The following COL11A1 variants were observed in gnomAD, a reference collection of about 807,000 sequenced individuals.
COL11A1 encodes the protein collagen type XI alpha 1 chain.
Under a neutral mutation model 265.2 loss-of-function variants are expected in COL11A1, and 74 were observed. That is an observed-to-expected ratio of 0.28 (90% CI 0.23 to 0.34). COL11A1 has a LOEUF of 0.34. Among genes scored for constraint, COL11A1 ranks in the 10% least tolerant of loss-of-function variants. COL11A1 has a pLI of 1.00. For missense variants in COL11A1, 2,165 were observed against 2,263.6 expected (o/e 0.96, Z 0.88); for synonymous variants, 816 against 727.6 (o/e 1.12, Z -1.96).
intron 58 of COL11A1, 46 bp downstream of exon 58, chr1:102,890,405 T>A: frequency 1.4e-6 from 2 of 1,454,030 alleles, no homozygotes; most frequent in Non-Finnish European, 1.9e-6. Context: ...GCTATTAGTA[T>A]ATAAAAGCAT....
intron 41 of COL11A1, among the ~76,000 whole-genome samples, chr1:102,953,166 C>A (rs967581158): frequency 4.6e-5 from 7 of 152,256 alleles, no homozygotes; most frequent in Middle Eastern, 3.4e-3. Flanking sequence ...GATAAATAAA[C>A]TATTATATCT....
intron 37 of COL11A1, among the ~76,000 whole-genome samples, chr1:102,967,238 T>TTTTA (rs1396645166): frequency 7.0e-5 from 7 of 99,530 alleles, no homozygotes; most frequent in South Asian, 9.3e-4. Context: ...TTTTTTTTTT[T>TTTTA]TTTTTTTTTT....
At chr1:102,928,804 G>A (rs9434371) in intron 46 of COL11A1, among the ~76,000 whole-genome samples, 7,104 of 142,394 alleles carry the variant, frequency 0.05, 311 homozygotes, top group African/African-American at 0.11. Context: ...GTGTGAGATG[G>A]TATCTCATTG....
chr1:103,067,570 G>C (rs2102239285), intron 4 of COL11A1, among the ~76,000 whole-genome samples: 1 of 151,742 alleles, frequency 6.6e-6, no homozygotes, highest in Non-Finnish European at 1.5e-5. Flanking sequence ...TGAGAGGCTA[G>C]AGAAACAATT....
rs777798467 is a variant in COL11A1, at chr1:102,920,387, T to C, written c.3709-23A>G. 1.9e-6 allele frequency: 3 copies of C among 1,600,184 alleles called. No individual in the cohort carries two copies. In the South Asian group the frequency reaches 3.3e-5, roughly 18 times the overall value. On this transcript the variant is annotated intron_variant, in intron 48 of 66. Coordinates refer to ENST00000370096, the MANE Select transcript of COL11A1 (RefSeq NM_001854.4). Reference sequence around the variant, plus strand: ...TCCCTGCAGTGTAGAAAAAGGAATGTAATTATCCATATTCTTATTAAAATA... The same window carrying C: ...TCCCTGCAGTGTAGAAAAAGGAATGCAATTATCCATATTCTTATTAAAATA...
At chr1:103,053,300 A>G (rs1359073739) in intron 4 of COL11A1, among the ~76,000 whole-genome samples, 2 of 152,184 alleles carry the variant, frequency 1.3e-5, no homozygotes, top group Non-Finnish European at 2.9e-5. Flanking sequence ...TACTAAATAT[A>G]AAATTATAAC....
At chr1:102,945,753 T>C (rs1013907193) in intron 42 of COL11A1, among the ~76,000 whole-genome samples, 2 of 151,898 alleles carry the variant, frequency 1.3e-5, no homozygotes, top group Non-Finnish European at 2.9e-5. Flanking sequence ...GGAAAAAAAA[T>C]AGAGAAGAAA....
At chr1:102,999,179 G>C (rs1398524602) in intron 24 of COL11A1, among the ~76,000 whole-genome samples, 1 of 151,918 alleles carries the variant, frequency 6.6e-6, no homozygotes, top group Non-Finnish European at 1.5e-5. Flanking sequence ...CCTAAATGCT[G>C]GACATATTTT....
chr1:103,058,572 C>A (rs1434680915), intron 4 of COL11A1, among the ~76,000 whole-genome samples: 1 of 152,144 alleles, frequency 6.6e-6, no homozygotes, highest in African/African-American at 2.4e-5. Flanking sequence ...TCTCAAGTGA[C>A]TCTTGAACAC....
At chr1:102,986,846 T>C (rs967105966) in intron 30 of COL11A1, among the ~76,000 whole-genome samples, 2 of 152,150 alleles carry the variant, frequency 1.3e-5, no homozygotes, top group African/African-American at 4.8e-5. Context: ...ACAATGAATA[T>C]GATAATTATC....
At chr1:103,051,338 G>A (rs1314725246) in intron 4 of COL11A1, among the ~76,000 whole-genome samples, 3 of 152,174 alleles carry the variant, frequency 2.0e-5, no homozygotes, top group Non-Finnish European at 4.4e-5. Context: ...CCACCTTGCA[G>A]TTTGATCTCA....
chr1:102,984,305 AT>A, intron 30 of COL11A1, 114 bp from the exon 31 acceptor site: 1 of 660,166 alleles, frequency 1.5e-6, no homozygotes, highest in East Asian at 2.8e-5. Context: ...CAAAAGGAAG[AT>A]TTGCAGATTT....
At chr1:102,898,527 C>T (rs1652738785) in intron 56 of COL11A1, 139 bp downstream of exon 56, 4 of 630,942 alleles carry the variant, frequency 6.3e-6, no homozygotes, top group Non-Finnish European at 8.4e-6. Flanking sequence ...ATCTTTTTTA[C>T]ATTATATTTA....
At chr1:103,043,736 C>G (rs1314622946) in intron 4 of COL11A1, among the ~76,000 whole-genome samples, 1 of 151,804 alleles carries the variant, frequency 6.6e-6, no homozygotes, top group African/African-American at 2.4e-5. Flanking sequence ...TAAAGGAAAA[C>G]AAACCTTTAA....
chr1:102,984,060 C>T lies in COL11A1; in HGVS notation c.2556+78G>A, dbSNP rs1033166309. 3.6e-5 allele frequency: 37 copies of T among 1,040,386 alleles called. No homozygotes were observed. The African/African-American group carries it at 5.4e-4, about 15-fold the overall frequency. 64.4% of individuals were successfully genotyped at this position (1,040,386 alleles called of 1,614,324 possible). On this transcript the variant is annotated intron_variant, in intron 31 of 66. Transcript: ENST00000370096. ...TACTCATGATAATATAGAGATGTTA[C>T]AAATTGTAAGGTAATCATAAGTGAT...
intron 4 of COL11A1, among the ~76,000 whole-genome samples, chr1:103,056,853 A>G (rs1008632076): frequency 5.9e-5 from 9 of 152,212 alleles, no homozygotes; most frequent in African/African-American, 1.9e-4. Context: ...TGTAAAATAA[A>G]TGTATGTATC....
intron 26 of COL11A1, among the ~76,000 whole-genome samples, chr1:102,996,686 A>G (rs960806398): frequency 9.9e-5 from 15 of 152,094 alleles, no homozygotes; most frequent in African/African-American, 3.6e-4. Context: ...TTTCACTTTG[A>G]TATTTTAATA....
chr1:103,048,247 T>A (rs913986090), intron 4 of COL11A1, among the ~76,000 whole-genome samples: 1 of 152,202 alleles, frequency 6.6e-6, no homozygotes. Flanking sequence ...CTTTTTTTGG[T>A]TGTTAAGCTA....
intron 43 of COL11A1, among the ~76,000 whole-genome samples, chr1:102,939,810 A>T (rs1008588212): frequency 3.9e-5 from 6 of 152,138 alleles, no homozygotes; most frequent in Non-Finnish European, 5.9e-5. Flanking sequence ...TGGTTTAAAA[A>T]TTTTTAAATA....
Sources: gnomAD v4.1 joint callset for allele counts (sites outside exome capture counted in the v4.1 genomes callset) on GRCh38, gnomAD v4.1.1 for gene constraint, MANE v1.5 for transcripts, NCBI Gene and HGNC (gene_info 2026-07-23, HGNC 2026-07-21) for gene names.